The following LTBP1 variants were observed in gnomAD, a reference collection of about 807,000 sequenced individuals.
The protein encoded by LTBP1 is latent transforming growth factor beta binding protein 1.
Under a neutral mutation model 207.6 loss-of-function variants are expected in LTBP1, and 129 were observed. The ratio of observed to expected loss-of-function variants is 0.62; its 90% CI spans 0.54 to 0.72. The LOEUF is 0.72. Among genes scored for constraint, LTBP1 ranks in the 30% least tolerant of loss-of-function variants. LTBP1 has a pLI of 0.00. For synonymous variants in LTBP1, 963 were observed against 833.7 expected (o/e 1.16, Z -2.67); for missense variants, 2,281 against 2,217.2 (o/e 1.03, Z -0.58).
chr2:33,270,405 C>T (rs1486098904), intron 15 of LTBP1, among the ~76,000 whole-genome samples: 4 of 151,548 alleles, frequency 2.6e-5, no homozygotes, highest in Non-Finnish European at 5.9e-5. Flanking sequence ...CTGGTTAACA[C>T]GATGAAACCC....
chr2:33,376,771 C>G (rs73929410), intron 31 of LTBP1, among the ~76,000 whole-genome samples: 4,708 of 152,166 alleles, frequency 0.031, 243 homozygotes, highest in African/African-American at 0.11. Context: ...CCTAGTAGAT[C>G]AATAGCTGCC....
chr2:33,300,253 A>C (rs1272749430), intron 20 of LTBP1, among the ~76,000 whole-genome samples, 198 bp from the exon 21 acceptor site: 1 of 152,162 alleles, frequency 6.6e-6, no homozygotes, highest in Non-Finnish European at 1.5e-5. Context: ...GTCTATTTTT[A>C]GTTATTTCTA....
intron 2 of LTBP1, among the ~76,000 whole-genome samples, chr2:32,966,185 T>C (rs1215052734): frequency 1.3e-5 from 2 of 152,190 alleles, no homozygotes; most frequent in Non-Finnish European, 2.9e-5. Context: ...AAGTTGTTTG[T>C]TTCCTTATTG....
At chr2:33,192,639 A>G (rs1247831934) in intron 7 of LTBP1, among the ~76,000 whole-genome samples, 2 of 152,200 alleles carry the variant, frequency 1.3e-5, no homozygotes, top group African/African-American at 2.4e-5. Context: ...AAAAAGCCAG[A>G]TCTAAGAGAT....
chr2:33,290,527 T>C (rs891610892), intron 19 of LTBP1, among the ~76,000 whole-genome samples: 1 of 152,180 alleles, frequency 6.6e-6, no homozygotes, highest in Non-Finnish European at 1.5e-5. Flanking sequence ...AAAAGTTTAT[T>C]CTGTCTGCAA....
intron 12 of LTBP1, among the ~76,000 whole-genome samples, chr2:33,258,906 T>A (rs1219144030): frequency 1.3e-5 from 2 of 152,188 alleles, no homozygotes; most frequent in East Asian, 3.9e-4. Context: ...AAGGACTGAT[T>A]AATGAAAAGC....
intron 4 of LTBP1, among the ~76,000 whole-genome samples, chr2:33,128,154 A>G (rs17397603): frequency 0.11 from 17,067 of 152,230 alleles, 1,238 homozygotes; most frequent in Non-Finnish European, 0.17. Flanking sequence ...GTAGATATCT[A>G]TCATTTAGTC....
chr2:33,256,724 CTA>C (rs10529995), intron 11 of LTBP1, among the ~76,000 whole-genome samples: 197 of 68,280 alleles, frequency 2.9e-3, no homozygotes, highest in Admixed American at 3.8e-3. Context: ...GGAGGGCTAA[CTA>C]TATATATATA....
At chr2:33,170,722 AC>A (rs1302650915) in intron 5 of LTBP1, among the ~76,000 whole-genome samples, 3 of 149,380 alleles carry the variant, frequency 2.0e-5, no homozygotes, top group Non-Finnish European at 4.5e-5. Flanking sequence ...TGGGTCCCTG[AC>A]CCCTGACCCC....
intron 5 of LTBP1, among the ~76,000 whole-genome samples, chr2:33,181,438 T>G (rs1246489617): frequency 6.6e-6 from 1 of 152,208 alleles, no homozygotes; most frequent in Non-Finnish European, 1.5e-5. Context: ...ACGCCTGACT[T>G]ATTTAAAACC....
At chr2:33,362,924 C>G (rs1237164634) in intron 28 of LTBP1, among the ~76,000 whole-genome samples, 2 of 152,112 alleles carry the variant, frequency 1.3e-5, no homozygotes, top group African/African-American at 4.8e-5. Context: ...GTCTGCTAAC[C>G]CCCTCAGCAA....
chr2:33,272,706 G>A (rs748365314), intron 15 of LTBP1, among the ~76,000 whole-genome samples: 1 of 152,106 alleles, frequency 6.6e-6, no homozygotes, highest in East Asian at 1.9e-4. Context: ...AACTGTAAAG[G>A]GCAGCAGCAT....
intron 24 of LTBP1, among the ~76,000 whole-genome samples, chr2:33,315,597 T>C (rs573191494): frequency 6.6e-6 from 1 of 152,338 alleles, no homozygotes; most frequent in Admixed American, 6.5e-5. Context: ...CCCCTGGGAC[T>C]CTGCTTCTTT....
intron 25 of LTBP1, among the ~76,000 whole-genome samples, 177 bp downstream of exon 25, chr2:33,343,140 G>GGT (rs766190118): frequency 1.3e-5 from 2 of 152,102 alleles, no homozygotes; most frequent in Non-Finnish European, 2.9e-5. Flanking sequence ...CATGGCTCAC[G>GGT]GTTGTAACCC....
intron 24 of LTBP1, among the ~76,000 whole-genome samples, chr2:33,329,322 G>A (rs1016559843): frequency 4.6e-5 from 7 of 151,984 alleles, no homozygotes; most frequent in African/African-American, 1.2e-4. Context: ...ATCTAATTCT[G>A]CATAAGAAAC....
At chr2:33,062,689 C>T (rs2077323789) in intron 3 of LTBP1, among the ~76,000 whole-genome samples, 1 of 152,180 alleles carries the variant, frequency 6.6e-6, no homozygotes, top group Non-Finnish European at 1.5e-5. Context: ...GTAATCGCCT[C>T]TTTATCCATG....
intron 24 of LTBP1, among the ~76,000 whole-genome samples, chr2:33,319,319 A>G (rs11684935): frequency 0.67 from 102,280 of 151,750 alleles, 36,391 homozygotes; most frequent in Non-Finnish European, 0.79. Flanking sequence ...AATCACTTGT[A>G]CCCAGGAGGC....
In LTBP1 at chr2:33,316,627, G is replaced by A. The variant is rs75159252; in HGVS notation, c.3730+1358G>A. ...ATAGGAAGTTGGGAAATGGAAGAAA[G>A]CATCATAATAATGTGGGTGATGAGA... On this transcript the variant is annotated intron_variant, in intron 24 of 33. Transcript: ENST00000404816. Among the ~76,000 whole-genome samples the A allele has an allele frequency of 4.4e-3, 677 of 152,288 alleles. 5 individuals are homozygous for A. Among genetic ancestry groups the A allele is most frequent in the African/African-American group, 0.016 (646 of 41,560 alleles).
chr2:33,384,975 G>T (rs1021320331), intron 31 of LTBP1, among the ~76,000 whole-genome samples: 27 of 152,142 alleles, frequency 1.8e-4, no homozygotes, highest in Non-Finnish European at 3.1e-4. Context: ...GAAAGATGGT[G>T]AAATCCACTT....
Sources: gnomAD v4.1 joint callset for allele counts (sites outside exome capture counted in the v4.1 genomes callset) on GRCh38, gnomAD v4.1.1 for gene constraint, MANE v1.5 for transcripts, NCBI Gene and HGNC (gene_info 2026-07-23, HGNC 2026-07-21) for gene names.